Variants in IPP observed in about 807,000 individuals in gnomAD.
IPP encodes the protein actin-binding protein IPP.
Under a neutral mutation model 64.1 loss-of-function variants are expected in IPP, and 41 were observed. The ratio of observed to expected loss-of-function variants is 0.64; its 90% CI spans 0.50 to 0.83. The LOEUF (loss-of-function observed/expected upper bound fraction) is 0.83. Ranked by LOEUF, IPP falls within the 40% of genes least tolerant of loss-of-function variation. The pLI, the probability that IPP is intolerant of heterozygous loss-of-function variation, is 0.00. For synonymous variants in IPP, 214 were observed against 235.2 expected, an observed-to-expected ratio of 0.91 and a Z score of 0.83; for missense variants, 649 against 703.0, an observed-to-expected ratio of 0.92 and a Z score of 0.87.
chr1:45,716,841 C>CAAA, intron 7 of IPP, 54 bp downstream of exon 7: 2 of 1,528,536 alleles, frequency 1.3e-6, no homozygotes, highest in Non-Finnish European at 1.8e-6. Context: ...GCCTCAAACT[C>CAAA]AAACAGTTTT....
At chr1:45,743,229 C>T (rs1443878148) in intron 2 of IPP, among the ~76,000 whole-genome samples, 1 of 151,518 alleles carries the variant, frequency 6.6e-6, no homozygotes, top group East Asian at 1.9e-4. Flanking sequence ...TGAGCCACCA[C>T]ACCCATCTTT....
At chr1:45,731,928 C>G (rs1645911754) in intron 3 of IPP, among the ~76,000 whole-genome samples, 2 of 150,978 alleles carry the variant, frequency 1.3e-5, no homozygotes, top group Admixed American at 1.3e-4. Context: ...CAGAGCAACA[C>G]TCCGTCTCGG....
At chr1:45,715,588 C>T (rs572065783) in intron 7 of IPP, among the ~76,000 whole-genome samples, 115 of 151,554 alleles carry the variant, frequency 7.6e-4, no homozygotes, top group Non-Finnish European at 1.4e-3. Context: ...TTGCACTGAG[C>T]CAAGATTGCA....
intron 2 of IPP, among the ~76,000 whole-genome samples, chr1:45,742,861 T>G (rs1262514803): frequency 1.3e-5 from 2 of 152,070 alleles, no homozygotes; most frequent in African/African-American, 4.8e-5. Flanking sequence ...ATCTATAACA[T>G]AAGAGAAACT....
chr1:45,722,194 C>T (rs1473935383), intron 5 of IPP, among the ~76,000 whole-genome samples: 1 of 151,936 alleles, frequency 6.6e-6, no homozygotes, highest in Non-Finnish European at 1.5e-5. Flanking sequence ...GCAGAGGTTG[C>T]TGTGAGCCGA....
downstream of IPP, chr1:45,694,600 C>T (rs1413958959): frequency 1.4e-6 from 1 of 732,034 alleles, no homozygotes; most frequent in Non-Finnish European, 2.4e-6. Context: ...CATGGTATAA[C>T]CCAATTATAT....
At chr1:45,698,158 G>C (rs923040673), downstream of IPP, 2 of 151,996 alleles carry the variant, frequency 1.3e-5, no homozygotes, top group African/African-American at 2.4e-5. Flanking sequence ...TAGGCATGGT[G>C]GTGGGCGCCT....
chr1:45,724,894 G>C (rs1439513953), intron 5 of IPP, among the ~76,000 whole-genome samples: 1 of 149,496 alleles, frequency 6.7e-6, no homozygotes, highest in Non-Finnish European at 1.5e-5. Context: ...AGGTGGGGGG[G>C]GTCAGCCCCC....
rs752267390 is a variant in IPP, at chr1:45,721,780, G to A, written c.1049-2440C>T. On this transcript the variant is annotated intron_variant, in intron 5 of 8. Transcript: ENST00000396478. ...AGTTACTTCTTGAAAGAAGAAATCC[G>A]GCTGGGCGTGGTGGCTAACGCCTGT... Among the ~76,000 whole-genome samples the A allele has an allele frequency of 3.9e-5, 6 of 152,198 alleles. No individual in the cohort carries two copies. The East Asian group carries it at 9.6e-4, about 24-fold the overall frequency.
chr1:45,749,632 T>C (rs1363195835), intron 1 of IPP, among the ~76,000 whole-genome samples: 2 of 150,000 alleles, frequency 1.3e-5, no homozygotes, highest in Non-Finnish European at 3.0e-5. Context: ...GCCATTCTCC[T>C]GCCTCAGCCT....
chr1:45,746,530 A>C (rs1016593754), intron 1 of IPP, 69 bp from the exon 2 acceptor site: 1 of 660,908 alleles, frequency 1.5e-6, no homozygotes, highest in East Asian at 2.7e-5. Context: ...CACACATAAG[A>C]AGCATTCTCT....
chr1:45,710,548 G>C (rs1217339083), intron 8 of IPP, among the ~76,000 whole-genome samples: 1 of 39,512 alleles, frequency 2.5e-5, no homozygotes, highest in African/African-American at 1.2e-4. Flanking sequence ...TTGAACCCGG[G>C]AGGCGGAGGT....
chr1:45,718,074 C>T (rs1169462649), intron 6 of IPP, among the ~76,000 whole-genome samples: 1 of 152,124 alleles, frequency 6.6e-6, no homozygotes, highest in Non-Finnish European at 1.5e-5. Flanking sequence ...ACATTTGTTA[C>T]ACAGATAATC....
intron 8 of IPP, among the ~76,000 whole-genome samples, chr1:45,700,432 C>T (rs1645437691): frequency 6.6e-6 from 1 of 152,202 alleles, no homozygotes; most frequent in South Asian, 2.1e-4. Flanking sequence ...GCCTCAACCT[C>T]CCAGACTCAA....
At chr1:45,745,980 CATAAG>C (rs1278457557) in intron 2 of IPP, 135 bp downstream of exon 2, 1 of 660,254 alleles carries the variant, frequency 1.5e-6, no homozygotes, top group Admixed American at 3.1e-5. Flanking sequence ...AGCACCGGGT[CATAAG>C]ATATGAATTT....
At chr1:45,695,752 C>G (rs1487209347), downstream of IPP, among the ~76,000 whole-genome samples, 1 of 152,066 alleles carries the variant, frequency 6.6e-6, no homozygotes, top group Admixed American at 6.5e-5. Flanking sequence ...TCACCGCAAC[C>G]TCCGCCTCCC....
At chr1:45,728,156 G>T (rs937104360) in intron 4 of IPP, among the ~76,000 whole-genome samples, 1 of 151,016 alleles carries the variant, frequency 6.6e-6, no homozygotes, top group Non-Finnish European at 1.5e-5. Context: ...GTGTGTGTGT[G>T]TGTGTGTGTG....
intron 3 of IPP, among the ~76,000 whole-genome samples, chr1:45,730,357 TAAA>T (rs35622578): frequency 9.4e-6 from 1 of 106,342 alleles, no homozygotes; most frequent in Admixed American, 9.4e-5. Context: ...GTCTCAAAAA[TAAA>T]AAAAAAAAAA....
At chr1:45,709,249 G>T (rs71500087) in intron 8 of IPP, among the ~76,000 whole-genome samples, 28 of 149,936 alleles carry the variant, frequency 1.9e-4, no homozygotes, top group African/African-American at 6.8e-4. Flanking sequence ...CTGGCTAACA[G>T]AGTGAAACCC....
Sources: gnomAD v4.1 joint callset for allele counts (sites outside exome capture counted in the v4.1 genomes callset) on GRCh38, gnomAD v4.1.1 for gene constraint, MANE v1.5 for transcripts, NCBI Gene and HGNC (gene_info 2026-07-23, HGNC 2026-07-21) for gene names.